ETNPPL: variants seen among roughly 807,000 people sequenced by gnomAD.
The protein encoded by ETNPPL is alanine--glyoxylate aminotransferase 2-like 1.
Under a neutral mutation model 55.5 loss-of-function variants are expected in ETNPPL, and 30 were observed. The observed-to-expected ratio is 0.54, with a 90% CI of 0.40 to 0.73. ETNPPL has a LOEUF of 0.73. Among genes scored for constraint, ETNPPL ranks in the 30% least tolerant of loss-of-function variants. The pLI is 0.00. For synonymous variants in ETNPPL, 202 were observed against 207.2 expected (o/e 0.98, Z 0.21); for missense variants, 528 against 607.9 (o/e 0.87, Z 1.38).
intron 3 of ETNPPL, among the ~76,000 whole-genome samples, chr4:108,759,262 G>T (rs562433809): frequency 5.3e-4 from 80 of 151,664 alleles, no homozygotes; most frequent in Non-Finnish European, 9.2e-4. Flanking sequence ...TTAGCTGGGC[G>T]TTGTGGCGGG....
chr4:108,750,047 A>C (rs571642108), intron 7 of ETNPPL, among the ~76,000 whole-genome samples: 1 of 152,306 alleles, frequency 6.6e-6, no homozygotes, highest in South Asian at 2.1e-4. Flanking sequence ...GGGAAGAGAA[A>C]GAATCAAACA....
chr4:108,747,207 T>A (rs1450227583), intron 9 of ETNPPL, among the ~76,000 whole-genome samples: 490 of 12,908 alleles, frequency 0.038, 139 homozygotes, highest in African/African-American at 0.22. Context: ...TATATATATA[T>A]AATATATATA....
rs1728520858 is a variant in ETNPPL, at chr4:108,746,782, T to C, written c.1152A>G (p.Glu384=). The change falls in exon 10 of 13, where the codon GAA becomes GAG. Residue 384 remains glutamate, a synonymous_variant. Coordinates refer to ENST00000296486, the MANE Select transcript of ETNPPL (RefSeq NM_031279.4). ...DHLKRTPATA[E]AQHIIYKMKE... ...ATTACTTGTAGATGATGTGCTGAGC[T>C]TCAGCTGTGGCAGGGGTCCTTTTCA... 3 of 1,613,840 alleles carry C rather than the reference T, an allele frequency of 1.9e-6. No homozygotes were observed. In the South Asian group the frequency reaches 3.3e-5, roughly 18 times the overall value.
At chr4:108,746,616 A>C in intron 10 of ETNPPL, 87 bp from the exon 11 acceptor site, 1 of 1,511,956 alleles carries the variant, frequency 6.6e-7, no homozygotes, top group Non-Finnish European at 9.1e-7. Context: ...CAGTTTAAGT[A>C]TTCTGCATTT....
chr4:108,758,716 T>G (rs1247391469), intron 3 of ETNPPL, among the ~76,000 whole-genome samples: 2 of 152,242 alleles, frequency 1.3e-5, no homozygotes, highest in Non-Finnish European at 2.9e-5. Context: ...GAGGCGCTGC[T>G]GGTGGCCCTG....
At chr4:108,747,422 C>T (rs1006116737) in intron 9 of ETNPPL, among the ~76,000 whole-genome samples, 2 of 149,256 alleles carry the variant, frequency 1.3e-5, no homozygotes, top group African/African-American at 4.9e-5. Context: ...GTATAAAAGC[C>T]AGGAAAGACA....
chr4:108,746,758 T>C lies in ETNPPL; in HGVS notation c.1172+4A>G. 1 of 1,613,058 alleles carries C rather than the reference T, an allele frequency of 6.2e-7. No homozygotes were observed. Among genetic ancestry groups the C allele is most frequent in the Non-Finnish European group, 8.5e-7 (1 of 1,179,194 alleles). On this transcript the variant is annotated splice_donor_region_variant and intron_variant, in intron 10 of 12. Transcript: ENST00000296486. ...CCAAACAGGTGGGTGTGGGGGTGAA[T>C]TACTTGTAGATGATGTGCTGAGCTT... is the stretch of plus-strand genomic sequence containing the variant.
intron 9 of ETNPPL, chr4:108,747,778 G>A (rs1728678065): frequency 2.4e-6 from 1 of 413,678 alleles, no homozygotes; most frequent in Non-Finnish European, 4.2e-6. Flanking sequence ...ACCCAGGCTG[G>A]AATGCAGTGG....
At chr4:108,761,307 A>G (rs1187730044) in intron 1 of ETNPPL, among the ~76,000 whole-genome samples, 2 of 152,238 alleles carry the variant, frequency 1.3e-5, no homozygotes, top group African/African-American at 4.8e-5. Context: ...ATTGATATGT[A>G]ACTGTTTAGA....
At chr4:108,759,665 C>G (rs1259931310) in intron 3 of ETNPPL, 84 bp downstream of exon 3, 2 of 1,405,374 alleles carry the variant, frequency 1.4e-6, no homozygotes, top group African/African-American at 2.8e-5. Flanking sequence ...ACAAGCTCCA[C>G]CATGAATCAA....
chr4:108,759,955 G>C (rs1729427971), intron 2 of ETNPPL, 47 bp from the exon 3 acceptor site: 2 of 1,568,036 alleles, frequency 1.3e-6, no homozygotes, highest in East Asian at 4.5e-5. Flanking sequence ...AGAATTCTAA[G>C]TGCCTGGGAA....
chr4:108,747,710 T>G (rs1728675013), intron 9 of ETNPPL: 1 of 201,670 alleles, frequency 5.0e-6, no homozygotes, highest in Non-Finnish European at 9.9e-6. Context: ...TATTATAAAC[T>G]TACAAGATAA....
At chr4:108,750,896 G>A (rs1216681460) in intron 7 of ETNPPL, 40 bp downstream of exon 7, 1 of 1,357,668 alleles carries the variant, frequency 7.4e-7, no homozygotes, top group Non-Finnish European at 1.1e-6. Flanking sequence ...TTGTCACAGT[G>A]CTCTCAGTTT....
In ETNPPL at chr4:108,750,495, C is replaced by CGTGTGTGTGTGT. The variant is rs3062135; in HGVS notation, c.701+429_701+440dup. 9.5e-3 allele frequency among the ~76,000 whole-genome samples: 1,346 copies of CGTGTGTGTGTGT among 141,578 alleles called. 121 individuals carry two copies. The East Asian group carries it at 0.21, about 22-fold the overall frequency. 92.9% of individuals were successfully genotyped at this position (141,578 alleles called of 152,430 possible). A position where few individuals can be genotyped will look rare whatever the true frequency, so the allele number is the denominator to read the frequency against. On this transcript the variant is annotated intron_variant, in intron 7 of 12. Coordinates refer to ENST00000296486, the MANE Select transcript of ETNPPL (RefSeq NM_031279.4). ...CATGTAAGTTAATACTTAATACCGCCGTGTGTGTGTGTGTGTGTGTGTGTG... is the reference window on the plus strand; with the variant it reads ...CATGTAAGTTAATACTTAATACCGCCGTGTGTGTGTGTGTGTGTGTGTGTGTGTGTGTGTGTG...
In ETNPPL at chr4:108,742,629, C is replaced by G. The variant is rs1259835338; in HGVS notation, c.1372-17G>C. The G allele has an allele frequency of 6.2e-7, 1 of 1,613,366 alleles. No individual in the cohort carries two copies. On this transcript the variant is annotated splice_polypyrimidine_tract_variant and intron_variant, in intron 12 of 12. Transcript: ENST00000296486. Reference sequence around the variant, plus strand: ...TTTCAGCATCTGCAAGACAGGCACACAAAGCTCCAGTGGGCATCCACCTCT... The same window carrying G: ...TTTCAGCATCTGCAAGACAGGCACAGAAAGCTCCAGTGGGCATCCACCTCT...
intron 4 of ETNPPL, among the ~76,000 whole-genome samples, chr4:108,755,505 G>A (rs1013069225): frequency 2.6e-5 from 4 of 151,986 alleles, no homozygotes; most frequent in African/African-American, 9.7e-5. Flanking sequence ...TGGAGGAGTA[G>A]ACAAAAATTT....
chr4:108,746,275 T>G (rs1437349065), intron 11 of ETNPPL, 124 bp downstream of exon 11: 2 of 800,440 alleles, frequency 2.5e-6, no homozygotes, highest in Admixed American at 7.8e-5. Context: ...ACACATTTAT[T>G]TCTGCCCTGC....
rs774117488 is a variant in ETNPPL, at chr4:108,754,646, C to A, written c.475G>T (p.Asp159Tyr). 10 of 1,589,222 alleles carry A rather than the reference C, an allele frequency of 6.3e-6. No individual in the cohort carries two copies. The South Asian group carries it at 1.0e-4, about 16-fold the overall frequency. Residue 159 changes from aspartate to tyrosine, a missense_variant, in exon 5 of 13, where the codon GAT becomes TAT. Transcript: ENST00000296486. ...ISPYKFQKGK[D>Y]VKKEFVHVAP... Reference sequence around the variant, plus strand: ...ACATGTACAAATTCTTTTTTGACATCTTTTCCTTTCTGAAACTTATATGGG... The same window carrying A: ...ACATGTACAAATTCTTTTTTGACATATTTTCCTTTCTGAAACTTATATGGG...
chr4:108,761,542 C>G (rs868233731), intron 1 of ETNPPL, among the ~76,000 whole-genome samples: 1 of 152,260 alleles, frequency 6.6e-6, no homozygotes, highest in African/African-American at 2.4e-5. Context: ...TTCACATTGC[C>G]TTTTTAATAC....
Sources: allele counts gnomAD v4.1 joint callset (sites outside exome capture counted in the v4.1 genomes callset), GRCh38; gene constraint gnomAD v4.1.1; transcripts MANE v1.5; gene names NCBI Gene and HGNC (gene_info 2026-07-23, HGNC 2026-07-21).